The following ROBO2 variants were observed in gnomAD, a reference collection of about 807,000 sequenced individuals.
ROBO2 encodes roundabout homolog 2.
Under a neutral mutation model 160.8 loss-of-function variants are expected in ROBO2, and 53 were observed. That is an observed-to-expected ratio of 0.33 (90% CI 0.26 to 0.41). The LOEUF (loss-of-function observed/expected upper bound fraction) is 0.41, where lower values mean the gene tolerates loss of function less well. ROBO2 is among the 10% of genes least tolerant of loss of function. ROBO2 has a pLI of 1.00. For synonymous variants in ROBO2, 664 were observed against 611.7 expected, an observed-to-expected ratio of 1.09 and a Z score of -1.26; for missense variants, 1,577 against 1,722.4, an observed-to-expected ratio of 0.92 and a Z score of 1.49.
intron 2 of ROBO2, among the ~76,000 whole-genome samples, chr3:76,989,277 G>A (rs2060542120): frequency 6.6e-6 from 1 of 152,072 alleles, no homozygotes; most frequent in African/African-American, 2.4e-5. Context: ...GCCACTTACC[G>A]ATTAGGAAAG....
intron 1 of ROBO2, among the ~76,000 whole-genome samples, chr3:77,057,134 A>G (rs1396677311): frequency 6.6e-6 from 1 of 152,188 alleles, no homozygotes; most frequent in African/African-American, 2.4e-5. Context: ...TGCAGCCATA[A>G]AAAAGGATGA....
intron 2 of ROBO2, among the ~76,000 whole-genome samples, chr3:76,028,484 G>C (rs2066815655): frequency 6.6e-6 from 1 of 151,826 alleles, no homozygotes; most frequent in Non-Finnish European, 1.5e-5. Flanking sequence ...ACAATTGACA[G>C]AACTCCAGGA....
chr3:76,695,020 C>A (rs1001021150), intron 2 of ROBO2, among the ~76,000 whole-genome samples: 6 of 152,092 alleles, frequency 3.9e-5, no homozygotes, highest in Non-Finnish European at 7.4e-5. Context: ...AGGAGAATCG[C>A]TTGAATTCGG....
rs1260429833 is a variant in ROBO2 at position 77,353,699 on chromosome 3, T to C, written c.389-123715T>C. Reference sequence around the variant, plus strand: ...CTAATTTTTGTACTTTTAGTAGAGATGGGGTTTCACCATGTTGGCCAGGCT... The same window carrying C: ...CTAATTTTTGTACTTTTAGTAGAGACGGGGTTTCACCATGTTGGCCAGGCT... On this transcript the variant is annotated intron_variant, in intron 2 of 25. Coordinates refer to ENST00000461745, the Ensembl canonical transcript of ROBO2. Among the ~76,000 whole-genome samples, 3 of 152,066 alleles carry C rather than the reference T, an allele frequency of 2.0e-5. No homozygotes were observed. The East Asian group carries it at 5.9e-4, about 30-fold the overall frequency.
chr3:77,386,266 G>C (rs1284002919), intron 2 of ROBO2, among the ~76,000 whole-genome samples: 1 of 152,112 alleles, frequency 6.6e-6, no homozygotes, highest in Admixed American at 6.6e-5. Context: ...TCTGACTTCA[G>C]AGCTTGTTCT....
chr3:76,249,348 AG>A (rs1410369532), intron 2 of ROBO2, among the ~76,000 whole-genome samples: 3 of 152,064 alleles, frequency 2.0e-5, no homozygotes, highest in African/African-American at 4.8e-5. Flanking sequence ...CTGATTGGGA[AG>A]TTTATAATAT....
rs141932242 is a variant in ROBO2 at position 76,097,735 on chromosome 3, C to T, written c.109+160133C>T. Reference sequence around the variant, plus strand: ...AAGCAGCGAATACACATACACAAGTCCATGCAACTGTAATCTCTGTGAGGG... The same window carrying T: ...AAGCAGCGAATACACATACACAAGTTCATGCAACTGTAATCTCTGTGAGGG... On this transcript the variant is annotated intron_variant, in intron 2 of 26. Coordinates refer to the ROBO2 transcript ENST00000487694. Among the ~76,000 whole-genome samples, 35 of 152,254 alleles carry T rather than the reference C, an allele frequency of 2.3e-4. 3 individuals are homozygous for T. In the East Asian group the frequency reaches 6.4e-3, roughly 28 times the overall value.
At chr3:76,633,531 G>A (rs1289606965) in intron 2 of ROBO2, among the ~76,000 whole-genome samples, 4 of 152,162 alleles carry the variant, frequency 2.6e-5, no homozygotes, top group African/African-American at 9.7e-5. Flanking sequence ...GATGAGAAAG[G>A]TAAGCTCTCC....
chr3:76,333,711 C>A (rs1398461675), intron 2 of ROBO2, among the ~76,000 whole-genome samples: 3 of 152,054 alleles, frequency 2.0e-5, no homozygotes, highest in Admixed American at 6.5e-5. Context: ...CATAGTATTC[C>A]ATGGTGTATA....
intron 2 of ROBO2, among the ~76,000 whole-genome samples, chr3:76,648,258 A>G (rs562277377): frequency 2.6e-5 from 4 of 152,304 alleles, no homozygotes; most frequent in African/African-American, 9.6e-5. Context: ...AAATCTTTTG[A>G]TGCTGTGAAA....
chr3:77,442,674 C>T (rs936410331), intron 2 of ROBO2, among the ~76,000 whole-genome samples: 1 of 152,052 alleles, frequency 6.6e-6, no homozygotes, highest in Non-Finnish European at 1.5e-5. Context: ...GCACTTACCC[C>T]ACATATGACC....
chr3:77,377,741 G>C lies in ROBO2; in HGVS notation c.389-99673G>C, dbSNP rs570568853. Reference sequence around the variant, plus strand: ...GGAGTTAGATATCTGATTTAGTTGAGTATATCCATTTCAAAAGGAAAACCC... The same window carrying C: ...GGAGTTAGATATCTGATTTAGTTGACTATATCCATTTCAAAAGGAAAACCC... On this transcript the variant is annotated intron_variant, in intron 2 of 25. Transcript: ENST00000461745. 2.0e-5 allele frequency among the ~76,000 whole-genome samples: 3 copies of C among 152,298 alleles called. No individual in the cohort carries two copies. The South Asian group carries it at 6.2e-4, about 32-fold the overall frequency.
chr3:76,914,490 C>G (rs2076189982), intron 2 of ROBO2, among the ~76,000 whole-genome samples: 1 of 151,792 alleles, frequency 6.6e-6, no homozygotes, highest in Non-Finnish European at 1.5e-5. Context: ...TAACTGCTAC[C>G]TATATCTACT....
chr3:77,190,468 G>A (rs1039985747), intron 2 of ROBO2, among the ~76,000 whole-genome samples: 7 of 151,916 alleles, frequency 4.6e-5, no homozygotes, highest in South Asian at 4.2e-4. Flanking sequence ...TCCTTTTAGC[G>A]TCCCTCCCAA....
chr3:76,783,030 C>T (rs998288531), intron 2 of ROBO2, among the ~76,000 whole-genome samples: 2 of 150,254 alleles, frequency 1.3e-5, no homozygotes, highest in African/African-American at 4.9e-5. Flanking sequence ...TTTTCTTTAT[C>T]TTTTATGTAT....
intron 2 of ROBO2, among the ~76,000 whole-genome samples, chr3:76,663,751 T>C (rs906072382): frequency 6.6e-6 from 1 of 152,010 alleles, no homozygotes; most frequent in Non-Finnish European, 1.5e-5. Context: ...GCAAAGACAT[T>C]GCAGTTTGAG....
intron 6 of ROBO2, among the ~76,000 whole-genome samples, chr3:77,534,603 CTA>C (rs1459524072): frequency 6.6e-6 from 1 of 152,100 alleles, no homozygotes; most frequent in African/African-American, 2.4e-5. Flanking sequence ...AATTGCTACA[CTA>C]TTTGCTTAAA....
At chr3:76,442,882 C>T (rs900707875) in intron 2 of ROBO2, among the ~76,000 whole-genome samples, 1 of 152,132 alleles carries the variant, frequency 6.6e-6, no homozygotes, top group Non-Finnish European at 1.5e-5. Flanking sequence ...TTACTCTCCA[C>T]TATGCCTAAT....
exon 1 of ROBO2, chr3:77,040,344 G>T (rs2063967554): frequency 1.0e-6 from 1 of 999,846 alleles, no homozygotes; most frequent in Admixed American, 5.8e-5. Flanking sequence ...AAACCAGTAG[G>T]CAGGCCAATG....
Sources: allele counts gnomAD v4.1 joint callset (sites outside exome capture counted in the v4.1 genomes callset), GRCh38; gene constraint gnomAD v4.1.1; transcripts MANE v1.5; gene names NCBI Gene and HGNC (gene_info 2026-07-23, HGNC 2026-07-21).